Variants in ANKRD44 observed in about 807,000 individuals in gnomAD.
The protein encoded by ANKRD44 is ankyrin repeat domain 44.
ANKRD44 carries 35 observed loss-of-function variants against 116.0 expected under a neutral mutation model. The ratio of observed to expected loss-of-function variants is 0.30; its 90% CI spans 0.23 to 0.40. ANKRD44 has a LOEUF of 0.40. Ranked by LOEUF, ANKRD44 falls within the 10% of genes least tolerant of loss-of-function variation. The pLI is 1.00. For synonymous variants in ANKRD44, 435 were observed against 461.8 expected (o/e 0.94, Z 0.74); for missense variants, 1,014 against 1,242.6 (o/e 0.82, Z 2.77).
intron 8 of ANKRD44, among the ~76,000 whole-genome samples, chr2:197,112,275 G>T (rs977274270): frequency 1.3e-5 from 2 of 152,130 alleles, no homozygotes; most frequent in East Asian, 3.8e-4. Flanking sequence ...TGTTCATTTT[G>T]TGATGAAATC....
At chr2:197,198,833 AGCTCCACCTTTAATGTAGCAAGG>A (rs2081025141) in intron 1 of ANKRD44, 1 of 152,184 alleles carries the variant, frequency 6.6e-6, no homozygotes, top group African/African-American at 2.4e-5. Context: ...ATGTAAATCT[AGCTCCACCTTTAATGTAGCAAGG>A]GCTAGCCTCC....
intron 2 of ANKRD44, among the ~76,000 whole-genome samples, chr2:197,167,968 A>C (rs1183945788): frequency 6.6e-6 from 1 of 152,236 alleles, no homozygotes; most frequent in Non-Finnish European, 1.5e-5. Flanking sequence ...CATATAATTC[A>C]GAGATTCAAG....
chr2:197,247,754 C>A (rs2125819482), intron 1 of ANKRD44, among the ~76,000 whole-genome samples: 1 of 152,266 alleles, frequency 6.6e-6, no homozygotes, highest in African/African-American at 2.4e-5. Context: ...AAATCAGGCC[C>A]AAGGGTCCCA....
chr2:197,227,017 T>A (rs746007550), intron 1 of ANKRD44, among the ~76,000 whole-genome samples: 18 of 152,304 alleles, frequency 1.2e-4, no homozygotes, highest in Middle Eastern at 3.4e-3. Flanking sequence ...TTCACTGCTG[T>A]CAGGACAACC....
intron 8 of ANKRD44, among the ~76,000 whole-genome samples, chr2:197,111,591 A>G (rs1489075547): frequency 6.6e-6 from 1 of 151,492 alleles, no homozygotes; most frequent in African/African-American, 2.4e-5. Flanking sequence ...GTGAGCCAAG[A>G]TCGTGCCACT....
chr2:197,199,826 T>C (rs2081053097), intron 1 of ANKRD44, among the ~76,000 whole-genome samples: 1 of 152,184 alleles, frequency 6.6e-6, no homozygotes, highest in Admixed American at 6.5e-5. Flanking sequence ...ATTAAATCAT[T>C]TCTCTTAATA....
Position 197,310,774 on chromosome 2 carries a change from T to A in ANKRD44, c.-170A>T. 1 of 546,464 alleles carries A rather than the reference T, an allele frequency of 1.8e-6. No homozygotes were observed. Among genetic ancestry groups the A allele is most frequent in the Non-Finnish European group, 2.6e-6 (1 of 385,346 alleles). 33.9% of individuals were successfully genotyped at this position (546,464 alleles called of 1,614,324 possible). ...CCGCCGCCTCCTCCCGCCGAGAGGC[T>A]GACACTGGCTAGTGGGGTTTGCAGC... On this transcript the variant is annotated 5_prime_UTR_variant, in exon 1 of 28. Transcript: ENST00000282272.
rs556005501 is a variant in ANKRD44, at chr2:197,201,806, T to C, written c.28-14700A>G. On this transcript the variant is annotated intron_variant, in intron 1 of 27. Coordinates refer to ENST00000282272, the MANE Select transcript of ANKRD44 (RefSeq NM_001195144.2). The surrounding 1 kb of genome is among the most constrained non-coding windows in gnomAD (Gnocchi z 4.0). ...AGTGAACATAGTGCCCCATAGGTAG[T>C]TTTTAATCTCTTGCCCTCCTCCCAT... 6.6e-6 allele frequency among the ~76,000 whole-genome samples: 1 copy of C among 152,294 alleles called. No individual in the cohort carries two copies. Among genetic ancestry groups the C allele is most frequent in the East Asian group, 1.9e-4 (1 of 5,188 alleles).
chr2:197,159,795 G>A lies in ANKRD44; in HGVS notation c.112-12690C>T, dbSNP rs545370165. Among the ~76,000 whole-genome samples, 16 of 152,312 alleles carry A rather than the reference G, an allele frequency of 1.1e-4. No individual in the cohort carries two copies. The South Asian group carries it at 3.3e-3, about 32-fold the overall frequency. On this transcript the variant is annotated intron_variant, in intron 2 of 27. Coordinates refer to ENST00000282272, the MANE Select transcript of ANKRD44 (RefSeq NM_001195144.2). ...ATTATTGTCCTCATTTTACAGGACA[G>A]GAATTAAGGTTGACTCAGAGTTAAG...
At chr2:197,303,653 T>G (rs540138591) in intron 1 of ANKRD44, among the ~76,000 whole-genome samples, 2 of 152,182 alleles carry the variant, frequency 1.3e-5, no homozygotes, top group South Asian at 4.1e-4. Context: ...TGCTTAAGAC[T>G]CCCCAGGATG....
chr2:197,164,234 C>T (rs1333929534), intron 2 of ANKRD44, among the ~76,000 whole-genome samples: 1 of 152,174 alleles, frequency 6.6e-6, no homozygotes, highest in African/African-American at 2.4e-5. Context: ...CCTCGGGTCC[C>T]GGGAGGCCTG....
intron 16 of ANKRD44, among the ~76,000 whole-genome samples, chr2:197,057,747 A>G (rs2077230419): frequency 6.6e-6 from 1 of 152,150 alleles, no homozygotes; most frequent in African/African-American, 2.4e-5. Context: ...AATCCCAGAT[A>G]CTCTGGAGGC....
At chr2:197,172,370 C>T (rs566811246) in intron 2 of ANKRD44, among the ~76,000 whole-genome samples, 17 of 152,248 alleles carry the variant, frequency 1.1e-4, no homozygotes, top group South Asian at 4.1e-4. Context: ...AAAGCTCTCC[C>T]GCCACCACCA....
chr2:197,247,601 A>G (rs2082221476), intron 1 of ANKRD44, among the ~76,000 whole-genome samples: 2 of 152,210 alleles, frequency 1.3e-5, no homozygotes, highest in South Asian at 4.1e-4. Flanking sequence ...AACCATTTAC[A>G]CAAAACTTCT....
chr2:197,141,182 C>A (rs1056708215), intron 3 of ANKRD44, among the ~76,000 whole-genome samples: 1 of 152,126 alleles, frequency 6.6e-6, no homozygotes, highest in Non-Finnish European at 1.5e-5. Context: ...ATGCCACTGC[C>A]CTCCAGCCTG....
chr2:196,988,890 C>A lies in ANKRD44; in HGVS notation c.*701G>T. On this transcript the variant is annotated 3_prime_UTR_variant, in exon 28 of 28. Transcript: ENST00000282272. ...TACTTAGGGTAATTTCTAGATATTT[C>A]TTTGTGCTGCCTTTGTGTATATGAT... 1.0e-6 allele frequency: 1 copy of A among 985,416 alleles called. No homozygotes were observed. 61.0% of individuals were successfully genotyped at this position (985,416 alleles called of 1,614,324 possible). A position where few individuals can be genotyped will look rare whatever the true frequency, so the allele number is the denominator to read the frequency against.
chr2:196,990,492 A>C, intron 27 of ANKRD44: 2 of 1,224,544 alleles, frequency 1.6e-6, no homozygotes, highest in East Asian at 3.2e-5. Flanking sequence ...AAACAAAACA[A>C]AACTGGGGCC....
At chr2:197,091,047 T>G (rs1446915834) in intron 10 of ANKRD44, among the ~76,000 whole-genome samples, 4 of 152,252 alleles carry the variant, frequency 2.6e-5, no homozygotes, top group African/African-American at 9.6e-5. Context: ...TATAAAAGGC[T>G]GTCACGCTGG....
rs112191038 is a variant in ANKRD44 at position 197,013,261 on chromosome 2, G to C, written c.1924+250C>G. Among the ~76,000 whole-genome samples, 1,476 of 152,240 alleles carry C rather than the reference G, an allele frequency of 9.7e-3. 9 individuals carry two copies. Among genetic ancestry groups the C allele is most frequent in the Middle Eastern group, 0.027 (8 of 294 alleles). ...CCTTGCCCTTTGTTCAGAATGTTTT[G>C]TGGTAGCTTTTAGCCAAAAGTTCTG... On this transcript the variant is annotated intron_variant, in intron 18 of 27. Coordinates refer to ENST00000282272, the MANE Select transcript of ANKRD44 (RefSeq NM_001195144.2).
Sources: gnomAD v4.1 joint callset for allele counts (sites outside exome capture counted in the v4.1 genomes callset) on GRCh38, gnomAD v4.1.1 for gene constraint, Gnocchi (gnomAD v3.1) non-coding constraint, MANE v1.5 for transcripts, NCBI Gene and HGNC (gene_info 2026-07-23, HGNC 2026-07-21) for gene names.